The following DEUP1 variants were observed in gnomAD, a reference collection of about 807,000 sequenced individuals.
DEUP1 encodes coiled-coil domain containing 67.
In DEUP1, 82 loss-of-function variants were observed where a neutral mutation model predicts 87.4. The ratio of observed to expected loss-of-function variants is 0.94; its 90% CI spans 0.78 to 1.13. The LOEUF (loss-of-function observed/expected upper bound fraction) is 1.13, where lower values mean the gene tolerates loss of function less well. DEUP1 is among the 50% of genes most tolerant of loss of function. The pLI is 0.00. For missense variants in DEUP1, 663 were observed against 681.5 expected (o/e 0.97, Z 0.30); for synonymous variants, 214 against 222.7 (o/e 0.96, Z 0.35).
chr11:93,420,346 CT>C (rs1947835819), intron 13 of DEUP1, among the ~76,000 whole-genome samples: 1 of 152,100 alleles, frequency 6.6e-6, no homozygotes, highest in Non-Finnish European at 1.5e-5. Flanking sequence ...CAGAAAAGGC[CT>C]TTGACAAAAT....
intron 11 of DEUP1, among the ~76,000 whole-genome samples, chr11:93,406,059 T>C (rs1298859634): frequency 1.3e-5 from 2 of 151,980 alleles, no homozygotes; most frequent in Non-Finnish European, 2.9e-5. Flanking sequence ...TGTGAGAATA[T>C]ATCCTATTTT....
intron 2 of DEUP1, among the ~76,000 whole-genome samples, chr11:93,354,826 T>A (rs896598678): frequency 1.3e-5 from 2 of 152,136 alleles, no homozygotes; most frequent in Non-Finnish European, 2.9e-5. Context: ...CAATTCAAGT[T>A]GAGATTTTGG....
intron 2 of DEUP1, among the ~76,000 whole-genome samples, chr11:93,353,389 G>A (rs1177204264): frequency 6.6e-6 from 1 of 152,188 alleles, no homozygotes; most frequent in Non-Finnish European, 1.5e-5. Context: ...TCACAGGCTG[G>A]CATTGAGTGT....
intron 2 of DEUP1, among the ~76,000 whole-genome samples, chr11:93,338,281 C>T (rs1943874106): frequency 6.6e-6 from 1 of 152,094 alleles, no homozygotes; most frequent in South Asian, 2.1e-4. Context: ...AGAAGTTGGT[C>T]CTATAACACT....
At chr11:93,430,976 G>C (rs1391504321) in intron 13 of DEUP1, among the ~76,000 whole-genome samples, 1 of 151,418 alleles carries the variant, frequency 6.6e-6, no homozygotes, top group Admixed American at 6.6e-5. Flanking sequence ...CATGCCTGTA[G>C]TCCCAGCTAC....
chr11:93,379,171 C>T lies in DEUP1; in HGVS notation c.790-6227C>T, dbSNP rs574309908. Reference sequence around the variant, plus strand: ...TGGGGCCATTTACAGGATCCAAGAGCGGCCCTTTTTCAGGCTGAGAGTCAG... The same window carrying T: ...TGGGGCCATTTACAGGATCCAAGAGTGGCCCTTTTTCAGGCTGAGAGTCAG... On this transcript the variant is annotated intron_variant, in intron 7 of 13. Transcript: ENST00000298050. 2.5e-4 allele frequency among the ~76,000 whole-genome samples: 38 copies of T among 152,212 alleles called. No individual in the cohort carries two copies. In the Middle Eastern group the frequency reaches 0.01, roughly 41 times the overall value.
intron 2 of DEUP1, among the ~76,000 whole-genome samples, chr11:93,339,811 G>A (rs1022326792): frequency 3.3e-5 from 5 of 152,130 alleles, no homozygotes; most frequent in African/African-American, 1.2e-4. Context: ...GCTACTAGGG[G>A]CCTGAACTGT....
At chr11:93,350,995 A>G (rs1417661026) in intron 2 of DEUP1, among the ~76,000 whole-genome samples, 1 of 148,160 alleles carries the variant, frequency 6.7e-6, no homozygotes, top group Non-Finnish European at 1.5e-5. Context: ...TTTATATGAA[A>G]ATTTATTTTC....
chr11:93,370,855 T>C (rs1282876210), intron 6 of DEUP1, among the ~76,000 whole-genome samples, 183 bp from the exon 7 acceptor site: 1 of 152,212 alleles, frequency 6.6e-6, no homozygotes, highest in Non-Finnish European at 1.5e-5. Context: ...ATATTTTCTC[T>C]ATATGCCATC....
At chr11:93,419,236 T>A (rs910271659) in intron 13 of DEUP1, among the ~76,000 whole-genome samples, 21 of 149,760 alleles carry the variant, frequency 1.4e-4, no homozygotes, top group Non-Finnish European at 2.5e-4. Context: ...GACAGGCAGA[T>A]CCCCACACTG....
intron 13 of DEUP1, among the ~76,000 whole-genome samples, chr11:93,436,969 GGGGCACTT>G (rs1335352654): frequency 6.6e-6 from 1 of 151,870 alleles, no homozygotes; most frequent in Non-Finnish European, 1.5e-5. Flanking sequence ...GGGTGGAATT[GGGGCACTT>G]GTCCCTGATA....
intron 3 of DEUP1, among the ~76,000 whole-genome samples, chr11:93,356,123 A>G (rs1944883308): frequency 6.6e-6 from 1 of 152,234 alleles, no homozygotes; most frequent in Admixed American, 6.5e-5. Flanking sequence ...GGAAAACCAT[A>G]TGCTTTATTT....
intron 8 of DEUP1, among the ~76,000 whole-genome samples, chr11:93,388,350 G>T (rs776007912): frequency 1.3e-5 from 2 of 152,064 alleles, no homozygotes; most frequent in Non-Finnish European, 2.9e-5. Context: ...CCCCTACCTG[G>T]TTATCTTTAT....
At chr11:93,427,080 C>T (rs1192956747) in intron 13 of DEUP1, among the ~76,000 whole-genome samples, 6 of 134,524 alleles carry the variant, frequency 4.5e-5, no homozygotes, top group Non-Finnish European at 9.4e-5. Flanking sequence ...GTGCCATCCG[C>T]ATCAAGCTAC....
chr11:93,367,213 A>G (rs1945466249), intron 5 of DEUP1, among the ~76,000 whole-genome samples: 1 of 152,138 alleles, frequency 6.6e-6, no homozygotes, highest in South Asian at 2.1e-4. Flanking sequence ...TAAAGTAAAA[A>G]CTTCCTAATT....
chr11:93,394,604 AAC>A lies in DEUP1; in HGVS notation c.1189_1190del (p.Gln397ValfsTer23). The A allele has an allele frequency of 6.2e-7, 1 of 1,612,148 alleles. No homozygotes were observed. The highest frequency in any genetic ancestry group is 8.5e-7 in the Non-Finnish European group (1 of 1,179,438). On this transcript the variant is annotated frameshift_variant, in exon 10 of 14. Coordinates refer to ENST00000298050, the MANE Select transcript of DEUP1 (RefSeq NM_181645.4). LOFTEE classifies it high-confidence loss of function. ...ACAAAGAAAGCTGCCCTTCTGGAAA[AAC>A]AGTTAAAAATGGAATTAGAAATAAA...
chr11:93,358,764 A>G (rs1047622659), intron 4 of DEUP1, among the ~76,000 whole-genome samples: 1 of 152,030 alleles, frequency 6.6e-6, no homozygotes, highest in Non-Finnish European at 1.5e-5. Context: ...TATATTTTTA[A>G]TAGAGATGGT....
intron 13 of DEUP1, among the ~76,000 whole-genome samples, chr11:93,417,387 C>A (rs1417851346): frequency 6.6e-6 from 1 of 151,244 alleles, no homozygotes; most frequent in East Asian, 1.9e-4. Flanking sequence ...ACACCAATAA[C>A]AGACAAACAG....
chr11:93,332,639 T>G (rs368916877), intron 2 of DEUP1, among the ~76,000 whole-genome samples: 4 of 152,206 alleles, frequency 2.6e-5, no homozygotes, highest in African/African-American at 9.7e-5. Flanking sequence ...TATCTCAAGT[T>G]TCCCTCTACT....
Sources: gnomAD v4.1 joint callset for allele counts (sites outside exome capture counted in the v4.1 genomes callset) on GRCh38, gnomAD v4.1.1 for gene constraint, MANE v1.5 for transcripts, NCBI Gene and HGNC (gene_info 2026-07-23, HGNC 2026-07-21) for gene names.